INSL6: variants seen among roughly 807,000 people sequenced by gnomAD.
INSL6 encodes the protein insulin like 6.
In INSL6, 16 loss-of-function variants were observed where a neutral mutation model predicts 9.4. The ratio of observed to expected loss-of-function variants is 1.70; its 90% CI spans 1.15 to 2.59. The LOEUF (loss-of-function observed/expected upper bound fraction) is 2.59. INSL6 is among the 30% of genes most tolerant of loss of function. INSL6 has a pLI of 0.00. For missense variants in INSL6, 391 were observed against 257.3 expected (o/e 1.52, Z -3.56); for synonymous variants, 154 against 96.9 (o/e 1.59, Z -3.46).
Position 5,163,889 on chromosome 9 carries a change from AG to A in INSL6, c.*23del. ...TAAATAAATGTATTAAGCTTTTATTAGGTTAGAAAAAATTCTAAGATGGTTA... is the reference window on the plus strand; with the variant it reads ...TAAATAAATGTATTAAGCTTTTATTAGTTAGAAAAAATTCTAAGATGGTTA... On this transcript the variant is annotated 3_prime_UTR_variant, in exon 2 of 2. Transcript: ENST00000381641. The A allele has an allele frequency of 7.0e-7, 1 of 1,428,910 alleles. No individual in the cohort carries two copies. Among genetic ancestry groups the A allele is most frequent in the Non-Finnish European group, 9.7e-7 (1 of 1,027,806 alleles). 88.5% of individuals were successfully genotyped at this position (1,428,910 alleles called of 1,614,324 possible).
chr9:5,181,649 C>T (rs1171672678), intron 1 of INSL6, among the ~76,000 whole-genome samples: 1 of 152,112 alleles, frequency 6.6e-6, no homozygotes, highest in Non-Finnish European at 1.5e-5. Flanking sequence ...CAAGCAACAG[C>T]AATAGACAGA....
At chr9:5,130,640 A>G (rs975932121) in intron 3 of INSL6, among the ~76,000 whole-genome samples, 1 of 152,198 alleles carries the variant, frequency 6.6e-6, no homozygotes, top group Non-Finnish European at 1.5e-5. Context: ...TAATAATAAA[A>G]AAGTTTAAGG....
At chr9:5,081,680 A>T in the INSL6 span, 1 of 1,409,240 alleles carries the variant, frequency 7.1e-7, no homozygotes, top group Non-Finnish European at 1.0e-6. Context: ...AGTCCAGAGA[A>T]TGTTATTTGC....
At chr9:5,096,939 A>G in the INSL6 span, 1 of 152,108 alleles carries the variant, frequency 6.6e-6, no homozygotes, top group Non-Finnish European at 1.5e-5. Flanking sequence ...TGCCCCTGAT[A>G]TGGCATTTCC....
At chr9:5,031,439 T>C in the INSL6 span, among the ~76,000 whole-genome samples, 1 of 152,176 alleles carries the variant, frequency 6.6e-6, no homozygotes, top group Non-Finnish European at 1.5e-5. Flanking sequence ...AACATAATAA[T>C]ATGAAGAAAT....
chr9:5,064,743 T>G, the INSL6 span: 1 of 501,762 alleles, frequency 2.0e-6, no homozygotes, highest in Non-Finnish European at 3.4e-6. Flanking sequence ...AATTTGTAAT[T>G]CATATTGAGT....
rs138646524 is a variant in INSL6, at chr9:5,133,219, T to C, written c.*10+206A>G. 1.0e-3 allele frequency among the ~76,000 whole-genome samples: 151 copies of C among 150,958 alleles called. 2 individuals are homozygous for C. Among genetic ancestry groups the C allele is most frequent in the East Asian group, 3.1e-3 (16 of 5,170 alleles). On this transcript the variant is annotated intron_variant, in intron 3 of 3. Coordinates refer to the INSL6 transcript ENST00000649639. The stretch of plus-strand genomic sequence containing the variant: ...GTCTAAAATGTTCCTGGTGGGAAAG[T>C]TGGGGGAGGATAATGCAAAAAAAAA...
chr9:5,163,273 A>G (rs567672060), downstream of INSL6, among the ~76,000 whole-genome samples: 1 of 152,330 alleles, frequency 6.6e-6, no homozygotes, highest in African/African-American at 2.4e-5. Flanking sequence ...TCTTTTCTAC[A>G]GGTTTCTCAA....
the INSL6 span, among the ~76,000 whole-genome samples, chr9:5,025,458 T>C: frequency 6.6e-6 from 1 of 152,042 alleles, no homozygotes; most frequent in African/African-American, 2.4e-5. Context: ...TTGTTATTCT[T>C]CTTCCTTCCC....
At chr9:5,181,091 T>C (rs1218192442) in intron 1 of INSL6, among the ~76,000 whole-genome samples, 2 of 152,202 alleles carry the variant, frequency 1.3e-5, no homozygotes, top group Non-Finnish European at 2.9e-5. Flanking sequence ...AAATAGAACC[T>C]ACATTGAAAT....
chr9:5,086,859 GT>G, the INSL6 span, among the ~76,000 whole-genome samples: 1 of 152,168 alleles, frequency 6.6e-6, no homozygotes, highest in South Asian at 2.1e-4. Context: ...TCATAGAGCA[GT>G]TTGTATCAAG....
the INSL6 span, among the ~76,000 whole-genome samples, chr9:5,115,515 G>A: frequency 6.6e-6 from 1 of 152,272 alleles, no homozygotes; most frequent in African/African-American, 2.4e-5. Context: ...ATTCCTCCAG[G>A]ATCCAGAGTT....
rs2149554 is a variant in INSL6, at chr9:5,185,365, A to G, written c.238T>C (p.Phe80Leu). The G allele has an allele frequency of 0.017, 26,942 of 1,613,980 alleles. 3,802 individuals carry two copies. The African/African-American group carries it at 0.31, about 19-fold the overall frequency. ...EKVEAYSPYQ[F>L]ESPQTASPAR... ...GGGGAAGCGGTTTGCGGGCTTTCGA[A>G]CTGGTATGGGCTGTAGGCTTCGACC... Residue 80 changes from phenylalanine to leucine, a missense_variant, in exon 1 of 2, where the codon TTC becomes CTC. Phe to Leu is a conservative substitution (Grantham distance 22). Transcript: ENST00000381641.
chr9:5,134,235 C>T (rs969430626), intron 2 of INSL6, among the ~76,000 whole-genome samples: 5 of 152,176 alleles, frequency 3.3e-5, no homozygotes, highest in Non-Finnish European at 5.9e-5. Flanking sequence ...TGAAAGTTGA[C>T]AGGGAGAATG....
chr9:5,145,139 C>T (rs578133155), intron 2 of INSL6, among the ~76,000 whole-genome samples: 2 of 152,144 alleles, frequency 1.3e-5, no homozygotes, highest in Non-Finnish European at 2.9e-5. Context: ...CCTTCAAGAG[C>T]TTTTGTAAGG....
chr9:5,046,867 G>A, the INSL6 span, among the ~76,000 whole-genome samples: 7 of 152,138 alleles, frequency 4.6e-5, no homozygotes, highest in Non-Finnish European at 7.4e-5. Context: ...TGCAGAGCTA[G>A]TATATTTTGG....
the INSL6 span, among the ~76,000 whole-genome samples, chr9:5,003,174 G>T: frequency 6.6e-6 from 1 of 151,790 alleles, no homozygotes; most frequent in African/African-American, 2.4e-5. Context: ...TCTTTAGTTT[G>T]CTCTTCAAGA....
intron 1 of INSL6, among the ~76,000 whole-genome samples, chr9:5,178,798 T>C (rs769679513): frequency 2.6e-5 from 4 of 152,086 alleles, no homozygotes; most frequent in African/African-American, 9.7e-5. Context: ...GCTGGAAGAA[T>C]TGGCTAGCTG....
At chr9:5,129,631 G>GA (rs1487738373) in intron 3 of INSL6, among the ~76,000 whole-genome samples, 1 of 151,898 alleles carries the variant, frequency 6.6e-6, no homozygotes, top group African/African-American at 2.4e-5. Flanking sequence ...CTTGATTTAA[G>GA]AAAAAAACAA....
Sources: gnomAD v4.1 joint callset for allele counts (sites outside exome capture counted in the v4.1 genomes callset) on GRCh38, gnomAD v4.1.1 for gene constraint, MANE v1.5 for transcripts, NCBI Gene and HGNC (gene_info 2026-07-23, HGNC 2026-07-21) for gene names.